Variants in REC114 observed in about 807,000 individuals in gnomAD.
The protein encoded by REC114 is meiotic recombination protein REC114.
In REC114, 27 loss-of-function variants were observed where a neutral mutation model predicts 31.3. The ratio of observed to expected loss-of-function variants is 0.86; its 90% confidence interval spans 0.64 to 1.19. The LOEUF (loss-of-function observed/expected upper bound fraction) is 1.19, where lower values mean the gene tolerates loss of function less well. REC114 is among the 50% of genes most tolerant of loss of function. The pLI, the probability that REC114 is intolerant of heterozygous loss-of-function variation, is 0.00. For synonymous variants in REC114, 134 were observed against 127.7 expected (o/e 1.05, Z -0.33); for missense variants, 344 against 326.9 (o/e 1.05, Z -0.40).
intron 1 of REC114, among the ~76,000 whole-genome samples, chr15:73,443,829 T>C (rs1237730703): frequency 1.3e-5 from 2 of 152,190 alleles, no homozygotes; most frequent in Non-Finnish European, 2.9e-5. Context: ...GGGACCTTGC[T>C]TTAGTTACTT....
rs1201116306 is a variant in REC114, at chr15:73,443,189, G to A, written c.4G>A (p.Ala2Thr). 1.3e-6 allele frequency: 2 copies of A among 1,565,752 alleles called. No individual in the cohort carries two copies. Among genetic ancestry groups the A allele is most frequent in the Admixed American group, 1.9e-5 (1 of 52,446 alleles). MAEAGKVPLSLG... is the reference protein window; with the variant it reads MTEAGKVPLSLG... ...AGTGCGTGTGGTGAGGCAGGACATG[G>A]CGGAGGCAGGAAAAGTGCCCTTGAG... The change falls in exon 1 of 6, where the codon GCG becomes ACG. Residue 2 changes from alanine (A) to threonine (T), a missense_variant. Physicochemically the swap from Ala to Thr is moderately conservative, Grantham distance 58 (BLOSUM62 0). Coordinates refer to ENST00000331090, the MANE Select transcript of REC114 (RefSeq NM_001042367.2).
intron 1 of REC114, among the ~76,000 whole-genome samples, chr15:73,448,522 C>G (rs978698238): frequency 1.3e-5 from 2 of 152,188 alleles, no homozygotes; most frequent in East Asian, 3.8e-4. Flanking sequence ...ATAAAACCCG[C>G]ATCTCCCTGG....
At chr15:73,497,816 G>A (rs993934326) in intron 2 of REC114, among the ~76,000 whole-genome samples, 3 of 152,188 alleles carry the variant, frequency 2.0e-5, no homozygotes, top group Admixed American at 6.5e-5. Flanking sequence ...TGAAAGTGGA[G>A]AGGAACAGTT....
In REC114 at chr15:73,496,522, G is replaced by A. The variant is rs567350908; in HGVS notation, c.249+22601G>A. Among the ~76,000 whole-genome samples the A allele has an allele frequency of 9.9e-5, 15 of 151,366 alleles. 1 individual carries two copies. The South Asian group carries it at 1.9e-3, about 19-fold the overall frequency. On this transcript the variant is annotated intron_variant, in intron 2 of 5. Coordinates refer to ENST00000331090, the MANE Select transcript of REC114 (RefSeq NM_001042367.2). Reference sequence around the variant, plus strand: ...ACAAAAATTAGCCAGACGTGGTGGCGGACACCTGTAATCCCAGCTACTTGG... The same window carrying A: ...ACAAAAATTAGCCAGACGTGGTGGCAGACACCTGTAATCCCAGCTACTTGG...
At chr15:73,457,065 C>CT (rs934090597) in intron 1 of REC114, among the ~76,000 whole-genome samples, 1,744 of 67,926 alleles carry the variant, frequency 0.026, 54 homozygotes, top group African/African-American at 0.05. Context: ...TATTTCTGAG[C>CT]TTTTTTTTTT....
At chr15:73,523,174 T>A (rs1893959704) in intron 2 of REC114, among the ~76,000 whole-genome samples, 1 of 152,258 alleles carries the variant, frequency 6.6e-6, no homozygotes, top group East Asian at 1.9e-4. Context: ...TCATCAGATA[T>A]GTGATAAAAG....
chr15:73,523,834 G>A (rs1893970526), intron 2 of REC114, among the ~76,000 whole-genome samples: 1 of 152,088 alleles, frequency 6.6e-6, no homozygotes, highest in Admixed American at 6.6e-5. Context: ...GTACATTTAG[G>A]TCTATGATTT....
intron 2 of REC114, among the ~76,000 whole-genome samples, chr15:73,490,520 G>A (rs1893428157): frequency 6.6e-6 from 1 of 152,002 alleles, no homozygotes. Flanking sequence ...ACCAGACCTG[G>A]CAACATAATG....
intron 1 of REC114, among the ~76,000 whole-genome samples, chr15:73,469,853 T>G (rs2141291612): frequency 6.6e-6 from 1 of 151,872 alleles, no homozygotes; most frequent in Admixed American, 6.6e-5. Context: ...CCCGGCTAAT[T>G]TTTTGTATTT....
chr15:73,471,213 A>G (rs941259515), intron 1 of REC114, among the ~76,000 whole-genome samples: 1 of 152,232 alleles, frequency 6.6e-6, no homozygotes. Flanking sequence ...ATCCAACTAG[A>G]GAGAATGATA....
At chr15:73,468,603 T>C (rs1371220082) in intron 1 of REC114, among the ~76,000 whole-genome samples, 1 of 152,014 alleles carries the variant, frequency 6.6e-6, no homozygotes, top group African/African-American at 2.4e-5. Context: ...CAATGTTGAA[T>C]AGAAGTGGTG....
At chr15:73,543,973 A>T (rs1894275792) in intron 3 of REC114, among the ~76,000 whole-genome samples, 1 of 121,078 alleles carries the variant, frequency 8.3e-6, no homozygotes, top group African/African-American at 3.1e-5. Context: ...TTTTGAGAAG[A>T]GTCTAACTCT....
At chr15:73,505,786 C>A (rs1893668152) in intron 2 of REC114, among the ~76,000 whole-genome samples, 1 of 152,166 alleles carries the variant, frequency 6.6e-6, no homozygotes, top group Non-Finnish European at 1.5e-5. Flanking sequence ...CCTGCCTCGG[C>A]CTCCCAAAGT....
intron 2 of REC114, among the ~76,000 whole-genome samples, chr15:73,537,177 T>C (rs1046631393): frequency 6.6e-6 from 1 of 151,984 alleles, no homozygotes; most frequent in African/African-American, 2.4e-5. Context: ...ATTAAGGAAA[T>C]CACTACAAAC....
intron 2 of REC114, among the ~76,000 whole-genome samples, chr15:73,514,142 CGTG>C (rs1174275824): frequency 6.6e-6 from 1 of 151,914 alleles, no homozygotes; most frequent in Non-Finnish European, 1.5e-5. Flanking sequence ...GATATAGTCT[CGTG>C]GTGCGCCGTT....
At chr15:73,458,201 A>C (rs1296956425) in intron 1 of REC114, among the ~76,000 whole-genome samples, 5 of 152,220 alleles carry the variant, frequency 3.3e-5, no homozygotes, top group African/African-American at 7.2e-5. Context: ...CAATTTACAA[A>C]GTATTTTCAT....
chr15:73,489,562 C>A (rs1034156872), intron 2 of REC114, among the ~76,000 whole-genome samples: 5 of 151,798 alleles, frequency 3.3e-5, no homozygotes, highest in Admixed American at 2.6e-4. Context: ...GCCCTCATGA[C>A]TTATTATTTC....
At chr15:73,479,776 G>A (rs1364853704) in intron 2 of REC114, among the ~76,000 whole-genome samples, 1 of 152,088 alleles carries the variant, frequency 6.6e-6, no homozygotes, top group Non-Finnish European at 1.5e-5. Flanking sequence ...TTTTAAGGCT[G>A]AATAATATTC....
intron 2 of REC114, among the ~76,000 whole-genome samples, chr15:73,478,595 T>C (rs781391476): frequency 2.0e-5 from 3 of 152,170 alleles, no homozygotes; most frequent in Non-Finnish European, 1.5e-5. Context: ...AATTTTAGAA[T>C]GACATTTCCT....
Sources: allele counts gnomAD v4.1 joint callset (sites outside exome capture counted in the v4.1 genomes callset), GRCh38; gene constraint gnomAD v4.1.1; transcripts MANE v1.5; gene names NCBI Gene and HGNC (gene_info 2026-07-23, HGNC 2026-07-21).